EPHA6: variants seen among roughly 807,000 people sequenced by gnomAD.
EPHA6 encodes the protein EPH receptor A6.
A neutral mutation model predicts 112.0 loss-of-function variants in EPHA6; 50 were observed. That is an observed-to-expected ratio of 0.45 (90% CI 0.36 to 0.56). The LOEUF (loss-of-function observed/expected upper bound fraction) is 0.56, where lower values mean the gene tolerates loss of function less well. EPHA6 is among the 20% of genes least tolerant of loss of function. EPHA6 has a pLI of 0.00. For synonymous variants in EPHA6, 529 were observed against 490.7 expected (o/e 1.08, Z -1.03); for missense variants, 1,280 against 1,417.4 (o/e 0.90, Z 1.56).
chr3:96,850,853 G>T (rs2107368846), intron 1 of EPHA6, among the ~76,000 whole-genome samples: 1 of 152,090 alleles, frequency 6.6e-6, no homozygotes, highest in Non-Finnish European at 1.5e-5. Flanking sequence ...CTAGCTCACA[G>T]AGATTTTTGT....
At chr3:97,604,511 AC>A (rs751634797) in intron 12 of EPHA6, among the ~76,000 whole-genome samples, 12 of 151,770 alleles carry the variant, frequency 7.9e-5, no homozygotes, top group African/African-American at 1.2e-4. Flanking sequence ...TTTTTTTAAA[AC>A]TTTTTGTGAC....
At chr3:97,517,381 G>A (rs777902186) in intron 10 of EPHA6, among the ~76,000 whole-genome samples, 2 of 152,040 alleles carry the variant, frequency 1.3e-5, no homozygotes, top group Admixed American at 6.6e-5. Context: ...CAAAGAAGCA[G>A]GGGTTTGCTC....
chr3:97,712,090 A>G (rs1305331984), intron 14 of EPHA6, among the ~76,000 whole-genome samples: 1 of 152,244 alleles, frequency 6.6e-6, no homozygotes, highest in African/African-American at 2.4e-5. Context: ...ACAATTGCCA[A>G]TGGCCTGGAA....
chr3:97,759,812 G>C lies in EPHA6; in HGVS notation c.*11111G>C, dbSNP rs1425603853. On this transcript the variant is annotated 3_prime_UTR_variant, in exon 18 of 18. Coordinates refer to ENST00000389672, the MANE Select transcript of EPHA6 (RefSeq NM_001080448.3). Reference sequence around the variant, plus strand: ...GTAAGTAGTTGGATAGTAGGAAAGTGAATATATATTTGATGAAATATTTTA... The same window carrying C: ...GTAAGTAGTTGGATAGTAGGAAAGTCAATATATATTTGATGAAATATTTTA... 1 of 220,274 alleles carries C rather than the reference G, an allele frequency of 4.5e-6. No homozygotes were observed. The highest frequency in any genetic ancestry group is 9.1e-6 in the Non-Finnish European group (1 of 109,834). 13.6% of individuals were successfully genotyped at this position (220,274 alleles called of 1,614,324 possible). A position where few individuals can be genotyped will look rare whatever the true frequency, so the allele number is the denominator to read the frequency against.
chr3:96,902,320 A>G (rs2038659193), intron 2 of EPHA6, among the ~76,000 whole-genome samples: 1 of 152,146 alleles, frequency 6.6e-6, no homozygotes, highest in South Asian at 2.1e-4. Context: ...TAAAACATGA[A>G]ATTTTTTCCC....
At chr3:97,237,165 T>G (rs2078702727) in intron 4 of EPHA6, among the ~76,000 whole-genome samples, 1 of 148,358 alleles carries the variant, frequency 6.7e-6, no homozygotes, top group African/African-American at 2.5e-5. Context: ...AACGACAGTT[T>G]GTTTTTTTTG....
intron 10 of EPHA6, among the ~76,000 whole-genome samples, chr3:97,507,771 G>A (rs1168958828): frequency 6.6e-6 from 1 of 151,772 alleles, no homozygotes; most frequent in Non-Finnish European, 1.5e-5. Flanking sequence ...GGTAGAATTT[G>A]GCTGTGAATC....
At chr3:97,075,051 C>T (rs1489235141) in intron 3 of EPHA6, among the ~76,000 whole-genome samples, 1 of 151,466 alleles carries the variant, frequency 6.6e-6, no homozygotes, top group African/African-American at 2.4e-5. Flanking sequence ...TTTTCTGGTA[C>T]TTTTTTTTAC....
intron 2 of EPHA6, among the ~76,000 whole-genome samples, chr3:96,974,495 TTA>T (rs2042444581): frequency 1.3e-5 from 2 of 151,146 alleles, no homozygotes; most frequent in Admixed American, 6.6e-5. Flanking sequence ...TTTTTTTAAT[TTA>T]TGTTTTTTAT....
At chr3:97,655,764 G>A (rs2094134449) in intron 14 of EPHA6, among the ~76,000 whole-genome samples, 1 of 130,648 alleles carries the variant, frequency 7.7e-6, no homozygotes. Flanking sequence ...TGTGGAGTGG[G>A]GGGAGGGGGG....
rs1226933753 is a variant in EPHA6 at position 97,448,839 on chromosome 3, A to T, written c.1894+109A>T. 1.2e-5 allele frequency: 12 copies of T among 1,011,608 alleles called. No homozygotes were observed. Among genetic ancestry groups the T allele is most frequent in the Non-Finnish European group, 1.8e-5 (12 of 666,332 alleles). 62.7% of individuals were successfully genotyped at this position (1,011,608 alleles called of 1,614,324 possible). On this transcript the variant is annotated intron_variant, in intron 7 of 17. Coordinates refer to ENST00000389672, the MANE Select transcript of EPHA6 (RefSeq NM_001080448.3). ...AAGTTTTTAATAGCTTGTTTAAATG[A>T]GATTTTGTTCATGTAAATACTCATA...
At chr3:97,567,867 A>G (rs529557475) in intron 11 of EPHA6, among the ~76,000 whole-genome samples, 2 of 152,304 alleles carry the variant, frequency 1.3e-5, no homozygotes, top group Middle Eastern at 6.8e-3. Flanking sequence ...GGCAGAAGAC[A>G]GGAGCAAGGA....
Position 96,987,329 on chromosome 3 carries a change from G to GTGA in EPHA6, c.452_453insATG (p.Gly150_Trp151insTer). On this transcript the variant is annotated stop_gained and inframe_insertion and splice_region_variant. Transcript: ENST00000389672. LOFTEE classifies it high-confidence loss of function. ...TTAATTACTTTTTTCCCTTTTTGCA[G>GTGA]TGGGATGCCATCACTGAAATGGATG... 1 of 1,575,892 alleles carries GTGA rather than the reference G, an allele frequency of 6.3e-7. No individual in the cohort carries two copies. Among genetic ancestry groups the GTGA allele is most frequent in the Non-Finnish European group, 8.6e-7 (1 of 1,156,686 alleles).
chr3:97,511,120 G>A (rs934307482), intron 10 of EPHA6, among the ~76,000 whole-genome samples: 1 of 152,172 alleles, frequency 6.6e-6, no homozygotes, highest in Admixed American at 6.5e-5. Context: ...GGCTCTTTGC[G>A]GGTGGGATCC....
intron 3 of EPHA6, among the ~76,000 whole-genome samples, chr3:97,058,610 G>A (rs991905714): frequency 6.6e-6 from 1 of 152,060 alleles, no homozygotes; most frequent in Non-Finnish European, 1.5e-5. Flanking sequence ...CCTGGAGTAA[G>A]GAGTTTTTAA....
At chr3:97,656,523 T>TA (rs1189630493) in intron 14 of EPHA6, among the ~76,000 whole-genome samples, 1 of 151,898 alleles carries the variant, frequency 6.6e-6, no homozygotes, top group Non-Finnish European at 1.5e-5. Context: ...TGTTTAAAGA[T>TA]AAAAAATTTT....
chr3:97,491,431 A>T (rs1270090762), intron 10 of EPHA6, among the ~76,000 whole-genome samples: 1 of 152,124 alleles, frequency 6.6e-6, no homozygotes, highest in Non-Finnish European at 1.5e-5. Context: ...AGTGGGGAGC[A>T]GGCCAGTGGC....
intron 7 of EPHA6, among the ~76,000 whole-genome samples, chr3:97,458,502 G>T (rs66562029): frequency 0.17 from 25,884 of 151,682 alleles, 3,070 homozygotes; most frequent in Non-Finnish European, 0.26. Context: ...AATAAACATG[G>T]CAATATTACT....
rs1214670396 is a variant in EPHA6 at position 97,748,673 on chromosome 3, A to G, written c.3365A>G (p.His1122Arg). 8.7e-6 allele frequency: 14 copies of G among 1,608,992 alleles called. No homozygotes were observed. Among genetic ancestry groups the G allele is most frequent in the Non-Finnish European group, 1.0e-5 (12 of 1,175,572 alleles). The change falls in exon 18 of 18, where the codon CAC becomes CGC. Residue 1122 changes from histidine (H) to arginine (R), a missense_variant. Around this residue, in one of 4 missense-constraint regions of EPHA6, gnomAD observed 145 missense variants for 153.3 expected, o/e 0.95. Coordinates refer to ENST00000389672, the MANE Select transcript of EPHA6 (RefSeq NM_001080448.3). ...SIQTLRLHMM[H>R]IQEKGFHV Reference sequence around the variant, plus strand: ...CAGACTTTACGTTTACACATGATGCACATACAGGAGAAGGGATTTCATGTA... The same window carrying G: ...CAGACTTTACGTTTACACATGATGCGCATACAGGAGAAGGGATTTCATGTA...
Sources: gnomAD v4.1 joint callset for allele counts (sites outside exome capture counted in the v4.1 genomes callset) on GRCh38, gnomAD v4.1.1 for gene constraint, gnomAD v4.1.1 regional missense constraint, MANE v1.5 for transcripts, NCBI Gene and HGNC (gene_info 2026-07-23, HGNC 2026-07-21) for gene names.